HEPH: variants seen among roughly 807,000 people sequenced by gnomAD.
The protein encoded by HEPH is hephaestin.
A neutral mutation model predicts 80.8 loss-of-function variants in HEPH; 69 were observed. That is an observed-to-expected ratio of 0.85 (90% confidence interval 0.70 to 1.04). The LOEUF (loss-of-function observed/expected upper bound fraction) is 1.04, where lower values mean the gene tolerates loss of function less well. HEPH is among the 50% of genes least tolerant of loss of function. The pLI is 0.00. For missense variants in HEPH, 1,115 were observed against 891.3 expected (o/e 1.25, Z -3.20); for synonymous variants, 431 against 322.8 (o/e 1.34, Z -3.60).
chrX:66,247,663 C>G (rs951341284), intron 15 of HEPH, among the ~76,000 whole-genome samples: 5 of 111,252 alleles, frequency 4.5e-5, no homozygotes, highest in African/African-American at 1.3e-4. Context: ...GAACAAAAGT[C>G]AAGTTACATG....
chrX:66,202,946 C>A (rs1473407569), intron 12 of HEPH, among the ~76,000 whole-genome samples: 1 of 100,404 alleles, frequency 1.0e-5, no homozygotes, highest in Admixed American at 1.1e-4. Context: ...TATACACACA[C>A]ACACACACAC....
intron 15 of HEPH, among the ~76,000 whole-genome samples, chrX:66,250,416 CT>C (rs1199510029): frequency 9.0e-6 from 1 of 111,332 alleles, no homozygotes; most frequent in Non-Finnish European, 1.9e-5. Context: ...GTATAATTGA[CT>C]TTTTTGATGT....
chrX:66,228,277 C>A (rs893429924), intron 15 of HEPH, among the ~76,000 whole-genome samples: 4 of 112,480 alleles, frequency 3.6e-5, no homozygotes, highest in Non-Finnish European at 5.6e-5. Context: ...CAATGATCTC[C>A]CACTGGGTTT....
At chrX:66,229,624 A>G (rs1214349553) in intron 15 of HEPH, among the ~76,000 whole-genome samples, 1 of 111,806 alleles carries the variant, frequency 8.9e-6, no homozygotes, top group Non-Finnish European at 1.9e-5. Flanking sequence ...CATTTTGAAG[A>G]CTACCTCTAT....
chrX:66,216,943 A>C (rs2089424085), intron 15 of HEPH, among the ~76,000 whole-genome samples: 1 of 111,902 alleles, frequency 8.9e-6, no homozygotes, highest in Non-Finnish European at 1.9e-5. Context: ...TAGCTTCAGA[A>C]TTCAAAGACA....
intron 20 of HEPH, among the ~76,000 whole-genome samples, chrX:66,265,636 T>G (rs953737113): frequency 7.2e-5 from 8 of 111,050 alleles, no homozygotes; most frequent in African/African-American, 2.0e-4. Flanking sequence ...CAAAGAAAAC[T>G]TTGCAGAGAC....
intron 20 of HEPH, among the ~76,000 whole-genome samples, chrX:66,266,130 T>G (rs903252573): frequency 3.7e-5 from 4 of 108,474 alleles, no homozygotes; most frequent in Admixed American, 3.0e-4. Flanking sequence ...AAATTCATCT[T>G]TTTTTTTTAT....
At position 66,266,957 on chromosome X, in the gene HEPH, C is replaced by A. The variant is rs1461253975; in HGVS notation, c.*285C>A. ...AGCTACATTATATTTCCTTCTGACA[C>A]TTGGAAGGTATTGAAATTTCTAGAA... On this transcript the variant is annotated 3_prime_UTR_variant, in exon 21 of 21. Coordinates refer to ENST00000343002, the MANE Select transcript of HEPH (RefSeq NM_001367233.3). 2 of 262,640 alleles carry A rather than the reference C, an allele frequency of 7.6e-6. No individual in the cohort carries two copies. The highest frequency in any genetic ancestry group is 1.3e-5 in the Non-Finnish European group (2 of 149,817). The allele number at this position is 262,640 out of a possible 1,213,427, so 21.6% of individuals were successfully genotyped here. A position where few individuals can be genotyped will look rare whatever the true frequency, so the allele number is the denominator to read the frequency against.
chrX:66,194,325 G>T (rs1001099942), intron 8 of HEPH, among the ~76,000 whole-genome samples: 2 of 111,839 alleles, frequency 1.8e-5, no homozygotes, highest in African/African-American at 6.5e-5. Context: ...ACCATAGGAA[G>T]GAGAGATGGT....
chrX:66,256,398 G>T lies in HEPH; in HGVS notation c.2896+68G>T, dbSNP rs2091184168. ...CTGGTTACATGGGGATATTTAATAG[G>T]CCTATTGCTACCTAAGGGAACATAA... On this transcript the variant is annotated intron_variant, in intron 17 of 20. Coordinates refer to ENST00000343002, the MANE Select transcript of HEPH (RefSeq NM_001367233.3). 9.1e-6 allele frequency: 7 copies of T among 771,154 alleles called. No homozygotes were observed. In the Admixed American group the frequency reaches 1.9e-4, roughly 21 times the overall value. The allele number at this position is 771,154 out of a possible 1,213,427, so 63.6% of individuals were successfully genotyped here.
chrX:66,236,598 G>A (rs2090369962), intron 15 of HEPH, among the ~76,000 whole-genome samples: 1 of 111,898 alleles, frequency 8.9e-6, no homozygotes, highest in South Asian at 3.8e-4. Context: ...TCTCTGTCGG[G>A]TTTTGGTATC....
At chrX:66,165,398 T>A (rs998995401) in intron 1 of HEPH, among the ~76,000 whole-genome samples, 1 of 111,665 alleles carries the variant, frequency 9.0e-6, no homozygotes, top group Non-Finnish European at 1.9e-5. Flanking sequence ...GGAGGGTTTA[T>A]TAGGAAGGCT....
At chrX:66,207,072 C>T (rs755249973) in intron 13 of HEPH, 123 bp from the exon 14 acceptor site, 17 of 452,937 alleles carry the variant, frequency 3.8e-5, no homozygotes, top group African/African-American at 2.4e-4. Context: ...GAAATAGGTC[C>T]CCCCCCTTTT....
intron 11 of HEPH, 54 bp from the exon 12 acceptor site, chrX:66,200,486 G>A: frequency 1.0e-6 from 1 of 995,511 alleles, no homozygotes; most frequent in Non-Finnish European, 1.4e-6. Context: ...CCTGGCCAGT[G>A]CTGGAGTAGT....
In HEPH at chrX:66,208,091, TTTAA is replaced by T. The variant is rs1159799966; in HGVS notation, c.2432-20_2432-17del. ...TCCTGCATTAATGAAACTTTATTTA[TTTAA>T]TTATTTTTGTTTACATTAGGTCCAC... is the stretch of plus-strand genomic sequence containing the variant. On this transcript the variant is annotated intron_variant, in intron 14 of 20. Transcript: ENST00000343002. 7 of 1,110,904 alleles carry T rather than the reference TTTAA, an allele frequency of 6.3e-6. No homozygotes were observed. The highest frequency in any genetic ancestry group is 1.8e-5 in the African/African-American group (1 of 54,859). 91.6% of individuals were successfully genotyped at this position (1,110,904 alleles called of 1,213,427 possible). A position where few individuals can be genotyped will look rare whatever the true frequency, so the allele number is the denominator to read the frequency against.
intron 15 of HEPH, among the ~76,000 whole-genome samples, chrX:66,222,968 C>T (rs2089716875): frequency 9.0e-6 from 1 of 111,062 alleles, no homozygotes; most frequent in African/African-American, 3.3e-5. Flanking sequence ...TAGGGTTTTC[C>T]CCTGAGACTG....
At chrX:66,260,840 C>T (rs1279468884) in intron 19 of HEPH, among the ~76,000 whole-genome samples, 1 of 109,860 alleles carries the variant, frequency 9.1e-6, no homozygotes, top group African/African-American at 3.3e-5. Context: ...AATCATGGCT[C>T]ATTGGAGCCT....
At chrX:66,188,625 C>T in intron 5 of HEPH, 84 bp downstream of exon 5, 1 of 826,276 alleles carries the variant, frequency 1.2e-6, no homozygotes, top group Non-Finnish European at 1.7e-6. Flanking sequence ...TGGATGCTTT[C>T]ACATACATAG....
chrX:66,211,413 A>G (rs758014950), intron 15 of HEPH, among the ~76,000 whole-genome samples: 1 of 111,635 alleles, frequency 9.0e-6, no homozygotes, highest in Admixed American at 9.5e-5. Flanking sequence ...TTAATCTGCT[A>G]TCAAACATTG....
Sources: allele counts gnomAD v4.1 joint callset (sites outside exome capture counted in the v4.1 genomes callset), GRCh38; gene constraint gnomAD v4.1.1; transcripts MANE v1.5; gene names NCBI Gene and HGNC (gene_info 2026-07-23, HGNC 2026-07-21).